Variants in AOAH observed in about 807,000 individuals in gnomAD.
AOAH encodes acyloxyacyl hydrolase.
AOAH carries 64 observed loss-of-function variants against 92.2 expected under a neutral mutation model. The ratio of observed to expected loss-of-function variants is 0.69; its 90% CI spans 0.57 to 0.86. The LOEUF is 0.86. AOAH is among the 40% of genes least tolerant of loss of function. AOAH has a pLI of 0.00. For synonymous variants in AOAH, 263 were observed against 254.5 expected (o/e 1.03, Z -0.32); for missense variants, 656 against 694.6 (o/e 0.94, Z 0.62).
At chr7:36,698,151 T>G (rs956617324) in intron 1 of AOAH, among the ~76,000 whole-genome samples, 1 of 152,214 alleles carries the variant, frequency 6.6e-6, no homozygotes, top group Admixed American at 6.5e-5. Flanking sequence ...TTCTATTTTT[T>G]CTTAAATCAT....
chr7:36,557,052 G>C (rs923576862), intron 13 of AOAH, among the ~76,000 whole-genome samples: 1 of 151,892 alleles, frequency 6.6e-6, no homozygotes, highest in Non-Finnish European at 1.5e-5. Context: ...TATTTTGCTC[G>C]TTAGTTGATG....
At chr7:36,519,935 C>T (rs1448948710) in intron 20 of AOAH, among the ~76,000 whole-genome samples, 1 of 152,214 alleles carries the variant, frequency 6.6e-6, no homozygotes, top group Non-Finnish European at 1.5e-5. Flanking sequence ...TGGGTAGTCA[C>T]TCAATAAATA....
chr7:36,710,337 A>G (rs956366285), intron 1 of AOAH, among the ~76,000 whole-genome samples: 1 of 152,194 alleles, frequency 6.6e-6, no homozygotes, highest in African/African-American at 2.4e-5. Flanking sequence ...AGAAATAGCT[A>G]TGCTACTCAC....
At chr7:36,633,016 G>A (rs1007744241) in intron 5 of AOAH, among the ~76,000 whole-genome samples, 1 of 152,212 alleles carries the variant, frequency 6.6e-6, no homozygotes, top group Non-Finnish European at 1.5e-5. Flanking sequence ...TGGAGTGGAG[G>A]GCAAGGGTGG....
At chr7:36,698,891 A>G (rs1266040263) in intron 1 of AOAH, among the ~76,000 whole-genome samples, 1 of 152,154 alleles carries the variant, frequency 6.6e-6, no homozygotes, top group Non-Finnish European at 1.5e-5. Context: ...AATCTATTGA[A>G]CAGTGGGTAT....
intron 12 of AOAH, among the ~76,000 whole-genome samples, chr7:36,593,274 T>C (rs1200700723): frequency 6.6e-6 from 1 of 152,244 alleles, no homozygotes; most frequent in Non-Finnish European, 1.5e-5. Context: ...GTTAAGTATT[T>C]AAGAAATATT....
chr7:36,513,087 G>T lies in AOAH; in HGVS notation c.*165C>A, dbSNP rs116036805. 3.3e-5 allele frequency: 52 copies of T among 1,574,860 alleles called. 1 individual carries two copies. The African/African-American group carries it at 4.4e-4, about 13-fold the overall frequency. Reference sequence around the variant, plus strand: ...TCCCGGGAGCACACAGCATTGCACAGTCGTCCAGATATGCTCTTCATTGAG... The same window carrying T: ...TCCCGGGAGCACACAGCATTGCACATTCGTCCAGATATGCTCTTCATTGAG... On this transcript the variant is annotated 3_prime_UTR_variant, in exon 21 of 21. Coordinates refer to ENST00000617537, the MANE Select transcript of AOAH (RefSeq NM_001637.4).
intron 12 of AOAH, among the ~76,000 whole-genome samples, chr7:36,587,409 C>A (rs1228078434): frequency 6.6e-6 from 1 of 151,824 alleles, no homozygotes; most frequent in Non-Finnish European, 1.5e-5. Context: ...CACAAGAATT[C>A]AACAAGTAGT....
intron 11 of AOAH, among the ~76,000 whole-genome samples, chr7:36,602,852 G>A (rs572300533): frequency 8.5e-5 from 13 of 152,306 alleles, no homozygotes; most frequent in African/African-American, 2.6e-4. Context: ...CACCAGGACT[G>A]ACCTGGGCTC....
At chr7:36,636,990 T>C (rs570573853) in intron 5 of AOAH, among the ~76,000 whole-genome samples, 1 of 152,184 alleles carries the variant, frequency 6.6e-6, no homozygotes, top group South Asian at 2.1e-4. Flanking sequence ...CATTGCCCAT[T>C]GCTGATGGAT....
intron 1 of AOAH, among the ~76,000 whole-genome samples, chr7:36,718,849 G>A (rs1799431267): frequency 6.6e-6 from 1 of 152,074 alleles, no homozygotes; most frequent in African/African-American, 2.4e-5. Flanking sequence ...GAAATGTTCT[G>A]GAATTAGATA....
At chr7:36,722,074 T>C (rs1799661791) in intron 1 of AOAH, among the ~76,000 whole-genome samples, 1 of 152,108 alleles carries the variant, frequency 6.6e-6, no homozygotes, top group Non-Finnish European at 1.5e-5. Flanking sequence ...GAAGCTGTTT[T>C]TGTCAGTCCC....
At chr7:36,630,838 C>T (rs1055052464) in intron 6 of AOAH, among the ~76,000 whole-genome samples, 1 of 152,158 alleles carries the variant, frequency 6.6e-6, no homozygotes, top group African/African-American at 2.4e-5. Context: ...AGATCAAATG[C>T]ACCTGGGGGT....
chr7:36,619,737 A>G (rs1792148621), intron 9 of AOAH, among the ~76,000 whole-genome samples: 2 of 152,200 alleles, frequency 1.3e-5, no homozygotes, highest in Non-Finnish European at 2.9e-5. Flanking sequence ...AGCCTGGACT[A>G]TGAGTGTCCT....
intron 1 of AOAH, among the ~76,000 whole-genome samples, chr7:36,687,222 C>G (rs935856142): frequency 1.2e-4 from 19 of 152,166 alleles, no homozygotes; most frequent in African/African-American, 4.3e-4. Flanking sequence ...ACCTGGTTTC[C>G]TCCTTGAGAG....
At chr7:36,540,088 G>T (rs1785319361) in intron 16 of AOAH, among the ~76,000 whole-genome samples, 1 of 152,120 alleles carries the variant, frequency 6.6e-6, no homozygotes, top group Non-Finnish European at 1.5e-5. Flanking sequence ...CTTTCAATGT[G>T]TCCCAATTCT....
In AOAH at chr7:36,620,853, G is replaced by GTCTT. The variant is rs1453149093; in HGVS notation, c.654-28_654-25dup. ...GCCTAAGAAAAAAACATTAACATTGGTCTTTGACATATGCTTGTCTCTCAG... is the reference window on the plus strand; with the variant it reads ...GCCTAAGAAAAAAACATTAACATTGGTCTTTCTTTGACATATGCTTGTCTCTCAG... On this transcript the variant is annotated intron_variant, in intron 8 of 20. Transcript: ENST00000617537. 2.5e-6 allele frequency: 4 copies of GTCTT among 1,610,822 alleles called. No individual in the cohort carries two copies. The African/African-American group carries it at 5.3e-5, about 22-fold the overall frequency.
Position 36,530,482 on chromosome 7 carries a change from T to C in AOAH, c.1458A>G (p.Lys486=). 6.2e-7 allele frequency: 1 copy of C among 1,613,872 alleles called. No individual in the cohort carries two copies. Residue 486 remains lysine (K), a synonymous_variant, in exon 19 of 21, where the codon AAA becomes AAG. Transcript: ENST00000617537. The stretch of plus-strand genomic sequence containing the variant: ...TTGTAAATTTCTCACTGGCTGCAAT[T>C]TTTTTCAGTGTGTTGGAGAGTTGCT... ...RAEQLSNTLK[K]IAASEKFTNF...
intron 11 of AOAH, among the ~76,000 whole-genome samples, chr7:36,606,035 A>G (rs992545653): frequency 3.3e-5 from 5 of 152,222 alleles, no homozygotes; most frequent in African/African-American, 7.2e-5. Flanking sequence ...CAGTTTTACT[A>G]AACAATAGCT....
Sources: gnomAD v4.1 joint callset for allele counts (sites outside exome capture counted in the v4.1 genomes callset) on GRCh38, gnomAD v4.1.1 for gene constraint, MANE v1.5 for transcripts, NCBI Gene and HGNC (gene_info 2026-07-23, HGNC 2026-07-21) for gene names.